Variants in GPHN observed in about 807,000 individuals in gnomAD.
GPHN encodes the protein gephyrin.
GPHN carries 17 observed loss-of-function variants against 95.5 expected under a neutral mutation model. The observed-to-expected ratio is 0.18, with a 90% CI of 0.12 to 0.27. The LOEUF (loss-of-function observed/expected upper bound fraction) is 0.27. Ranked by LOEUF, GPHN falls within the 10% of genes least tolerant of loss-of-function variation. The pLI, the probability that GPHN is intolerant of heterozygous loss-of-function variation, is 1.00. For synonymous variants in GPHN, 320 were observed against 322.5 expected, an observed-to-expected ratio of 0.99 and a Z score of 0.08; for missense variants, 660 against 978.1, an observed-to-expected ratio of 0.67 and a Z score of 4.34.
the GPHN span, chr14:67,350,673 G>T: frequency 1.2e-6 from 2 of 1,612,924 alleles, no homozygotes; most frequent in African/African-American, 2.7e-5. Context: ...TCATCACTTC[G>T]CCCATCAACA....
At chr14:66,514,755 A>G (rs1160475025) in intron 1 of GPHN, among the ~76,000 whole-genome samples, 1 of 152,120 alleles carries the variant, frequency 6.6e-6, no homozygotes, top group Non-Finnish European at 1.5e-5. Context: ...GGTTTCAGAC[A>G]CAGCTCAGGA....
the GPHN span, among the ~76,000 whole-genome samples, chr14:67,524,314 A>G: frequency 1.3e-5 from 2 of 152,182 alleles, no homozygotes; most frequent in Admixed American, 1.3e-4. Context: ...ACTGGACCCC[A>G]ATCCCTGTCG....
chr14:66,840,066 G>A (rs2062013742), intron 4 of GPHN, among the ~76,000 whole-genome samples: 1 of 152,030 alleles, frequency 6.6e-6, no homozygotes, highest in Admixed American at 6.6e-5. Flanking sequence ...ATCACCTGAG[G>A]TCAGGAGTTC....
intron 2 of GPHN, among the ~76,000 whole-genome samples, chr14:66,757,053 G>GTAA (rs1287196055): frequency 1.3e-5 from 2 of 152,166 alleles, no homozygotes; most frequent in Admixed American, 1.3e-4. Context: ...GCAGTTAGCG[G>GTAA]TAATAGGGGA....
the GPHN span, chr14:67,225,232 A>G: frequency 5.2e-6 from 8 of 1,524,334 alleles, no homozygotes; most frequent in Non-Finnish European, 7.0e-6. Context: ...GAAAAAGACA[A>G]AGTTGATGGA....
chr14:67,500,570 T>C, the GPHN span, among the ~76,000 whole-genome samples: 1 of 146,950 alleles, frequency 6.8e-6, no homozygotes. Context: ...CATGTGCATT[T>C]GGATTTTTTT....
At chr14:66,508,645 T>G in intron 1 of GPHN, 54 bp downstream of exon 1, 3 of 1,466,722 alleles carry the variant, frequency 2.0e-6, no homozygotes, top group Non-Finnish European at 2.9e-6. Flanking sequence ...TGCATTGCCT[T>G]AGGCTTTTCG....
chr14:67,710,707 CT>C, the GPHN span, among the ~76,000 whole-genome samples: 2 of 151,036 alleles, frequency 1.3e-5, no homozygotes, highest in Admixed American at 6.6e-5. Context: ...AAATTTTTCA[CT>C]TTTTTTTAAA....
chr14:66,750,521 T>G (rs1438615297), intron 2 of GPHN, among the ~76,000 whole-genome samples: 1 of 151,876 alleles, frequency 6.6e-6, no homozygotes, highest in Non-Finnish European at 1.5e-5. Context: ...ATACATTAAC[T>G]TAGTGGAGGT....
chr14:67,023,415 T>G (rs1349732744), intron 9 of GPHN, among the ~76,000 whole-genome samples: 1 of 152,146 alleles, frequency 6.6e-6, no homozygotes, highest in East Asian at 1.9e-4. Flanking sequence ...TACAATATTG[T>G]ACCCCGAATT....
the GPHN span, among the ~76,000 whole-genome samples, chr14:67,426,370 T>C: frequency 6.6e-6 from 1 of 152,080 alleles, no homozygotes; most frequent in South Asian, 2.1e-4. Context: ...CCTGGGACCA[T>C]GGCTGTGAAA....
the GPHN span, among the ~76,000 whole-genome samples, chr14:67,194,430 G>A: frequency 6.6e-6 from 1 of 151,942 alleles, no homozygotes; most frequent in South Asian, 2.1e-4. Flanking sequence ...ATACGATGAT[G>A]AGGGGGGCGT....
the GPHN span, among the ~76,000 whole-genome samples, chr14:67,502,793 G>A: frequency 6.6e-6 from 1 of 152,144 alleles, no homozygotes; most frequent in Middle Eastern, 3.2e-3. Flanking sequence ...CCAAAGCAGA[G>A]TGACCACAGG....
intron 3 of GPHN, among the ~76,000 whole-genome samples, chr14:66,791,120 A>C (rs2153471540): frequency 6.6e-6 from 1 of 152,318 alleles, no homozygotes; most frequent in East Asian, 1.9e-4. Flanking sequence ...AGGGGCTTTT[A>C]ACCCACTCTG....
the GPHN span, among the ~76,000 whole-genome samples, chr14:67,484,187 CTG>C: frequency 6.6e-6 from 1 of 152,206 alleles, no homozygotes; most frequent in Non-Finnish European, 1.5e-5. Context: ...TATTTATGGT[CTG>C]TCTCTCCTCA....
the GPHN span, among the ~76,000 whole-genome samples, chr14:67,682,893 A>C: frequency 6.6e-6 from 1 of 152,282 alleles, no homozygotes; most frequent in Non-Finnish European, 1.5e-5. Flanking sequence ...AATGTTATCC[A>C]GCAATAAAAA....
intron 8 of GPHN, among the ~76,000 whole-genome samples, chr14:66,958,188 T>C (rs1326027499): frequency 6.6e-6 from 1 of 152,206 alleles, no homozygotes; most frequent in African/African-American, 2.4e-5. Flanking sequence ...TTTTAATAAT[T>C]GTTATGTCTT....
At chr14:67,243,399 G>A in the GPHN span, among the ~76,000 whole-genome samples, 1 of 151,648 alleles carries the variant, frequency 6.6e-6, no homozygotes, top group Admixed American at 6.6e-5. Context: ...TGTTGGCCAG[G>A]CTGGCCTCGA....
chr14:67,699,104 T>G, the GPHN span, among the ~76,000 whole-genome samples: 1 of 150,962 alleles, frequency 6.6e-6, no homozygotes, highest in East Asian at 2.0e-4. Context: ...TACAAAAAAA[T>G]TAGCTGGGCA....
Sources: allele counts gnomAD v4.1 joint callset (sites outside exome capture counted in the v4.1 genomes callset), GRCh38; gene constraint gnomAD v4.1.1; transcripts MANE v1.5; gene names NCBI Gene and HGNC (gene_info 2026-07-23, HGNC 2026-07-21).